Variants in NCKAP5 observed in about 807,000 individuals in gnomAD.
NCKAP5 encodes nck-associated protein 5.
NCKAP5 carries 92 observed loss-of-function variants against 167.0 expected under a neutral mutation model. The ratio of observed to expected loss-of-function variants is 0.55; its 90% CI spans 0.47 to 0.66. The LOEUF is 0.66. Among genes scored for constraint, NCKAP5 ranks in the 30% least tolerant of loss-of-function variants. The pLI is 0.00. For missense variants in NCKAP5, 2,378 were observed against 2,315.0 expected (o/e 1.03, Z -0.56); for synonymous variants, 891 against 877.4 (o/e 1.02, Z -0.27).
chr2:133,328,596 T>C (rs1682617422), intron 3 of NCKAP5, among the ~76,000 whole-genome samples: 1 of 152,154 alleles, frequency 6.6e-6, no homozygotes, highest in South Asian at 2.1e-4. Context: ...GTTAAATATG[T>C]AAGAGCACTG....
intron 8 of NCKAP5, among the ~76,000 whole-genome samples, chr2:132,949,003 T>TTAAAAGAAAAGAAAA (rs1553487801): frequency 0.039 from 5,030 of 130,298 alleles, 371 homozygotes; most frequent in East Asian, 0.14. Context: ...TCCAGAGAAA[T>TTAAAAGAAAAGAAAA]GAAAAGAAAA....
chr2:133,087,316 C>T (rs996145502), intron 6 of NCKAP5, among the ~76,000 whole-genome samples: 11 of 152,114 alleles, frequency 7.2e-5, no homozygotes, highest in African/African-American at 9.7e-5. Context: ...GACAAAGTAA[C>T]GCAAAGACCA....
the NCKAP5 span, among the ~76,000 whole-genome samples, chr2:133,633,512 A>G: frequency 6.6e-6 from 1 of 152,200 alleles, no homozygotes; most frequent in Non-Finnish European, 1.5e-5. Flanking sequence ...GAGGACATGC[A>G]GCATCCTGAA....
chr2:133,083,457 T>G (rs2080880125), intron 6 of NCKAP5, among the ~76,000 whole-genome samples: 1 of 152,162 alleles, frequency 6.6e-6, no homozygotes, highest in Non-Finnish European at 1.5e-5. Context: ...ACACAAGACT[T>G]AACAGTTGGC....
chr2:133,189,474 AC>A (rs1426646853), intron 5 of NCKAP5, among the ~76,000 whole-genome samples: 1 of 152,174 alleles, frequency 6.6e-6, no homozygotes, highest in Non-Finnish European at 1.5e-5. Flanking sequence ...TGGCAGAGAC[AC>A]AACAAAAAAA....
intron 4 of NCKAP5, among the ~76,000 whole-genome samples, chr2:133,289,818 A>G (rs1010561754): frequency 3.3e-5 from 5 of 152,200 alleles, no homozygotes; most frequent in Non-Finnish European, 5.9e-5. Flanking sequence ...TATAGGAAGC[A>G]TGGGTGGGGA....
chr2:133,076,127 T>C (rs2080592546), intron 6 of NCKAP5, among the ~76,000 whole-genome samples: 1 of 152,250 alleles, frequency 6.6e-6, no homozygotes, highest in Admixed American at 6.5e-5. Flanking sequence ...TTTATTAATA[T>C]AGAACCATAC....
At chr2:133,299,141 T>C (rs1680173925) in intron 4 of NCKAP5, among the ~76,000 whole-genome samples, 2 of 152,190 alleles carry the variant, frequency 1.3e-5, no homozygotes, top group South Asian at 2.1e-4. Flanking sequence ...AGTTTTTCTA[T>C]GTATAGAAAT....
intron 8 of NCKAP5, among the ~76,000 whole-genome samples, chr2:132,950,145 C>A (rs1011347565): frequency 6.6e-6 from 1 of 152,122 alleles, no homozygotes; most frequent in Non-Finnish European, 1.5e-5. Flanking sequence ...CTGTTCACTA[C>A]ACCTTTACTC....
intron 7 of NCKAP5, among the ~76,000 whole-genome samples, chr2:132,981,452 T>A (rs547502543): frequency 2.0e-5 from 3 of 152,330 alleles, no homozygotes; most frequent in Non-Finnish European, 4.4e-5. Context: ...TCCTTTTGCA[T>A]GCATGTGGCA....
intron 7 of NCKAP5, 117 bp downstream of exon 7, chr2:132,994,035 G>C: frequency 1.6e-6 from 1 of 623,532 alleles, no homozygotes; most frequent in South Asian, 2.6e-5. Flanking sequence ...GTGGCTTTTA[G>C]CACTGGGGTC....
intron 2 of NCKAP5, among the ~76,000 whole-genome samples, chr2:133,518,372 T>TTTTTTTG (rs1261336479): frequency 7.7e-6 from 1 of 129,214 alleles, no homozygotes; most frequent in African/African-American, 3.3e-5. Context: ...TTTTTTTTTT[T>TTTTTTTG]GGGATGGAAT....
intron 4 of NCKAP5, among the ~76,000 whole-genome samples, chr2:133,261,590 A>G (rs1173753928): frequency 6.6e-6 from 1 of 152,200 alleles, no homozygotes; most frequent in Non-Finnish European, 1.5e-5. Context: ...GCTGAGAATA[A>G]GACTGTGTTC....
chr2:133,167,650 C>A (rs1450025779), intron 5 of NCKAP5, among the ~76,000 whole-genome samples: 1 of 152,090 alleles, frequency 6.6e-6, no homozygotes, highest in Non-Finnish European at 1.5e-5. Context: ...ACCATGATAC[C>A]CTGGATCAAA....
At chr2:132,932,390 A>G (rs1442519893) in intron 8 of NCKAP5, among the ~76,000 whole-genome samples, 4 of 152,136 alleles carry the variant, frequency 2.6e-5, no homozygotes, top group African/African-American at 9.7e-5. Context: ...TAATTGTTAA[A>G]AAGCCAAGAG....
the NCKAP5 span, among the ~76,000 whole-genome samples, chr2:133,673,351 T>C: frequency 6.6e-6 from 1 of 152,156 alleles, no homozygotes; most frequent in East Asian, 1.9e-4. Flanking sequence ...ACCACATATA[T>C]AACCTTGTTT....
At chr2:133,323,188 T>C (rs1485728728) in intron 3 of NCKAP5, among the ~76,000 whole-genome samples, 1 of 152,208 alleles carries the variant, frequency 6.6e-6, no homozygotes, top group Non-Finnish European at 1.5e-5. Flanking sequence ...ATTGATATCA[T>C]TTATGGATAT....
At chr2:133,078,971 G>A (rs926195525) in intron 6 of NCKAP5, among the ~76,000 whole-genome samples, 2 of 152,104 alleles carry the variant, frequency 1.3e-5, no homozygotes, top group African/African-American at 2.4e-5. Context: ...ATAATCTGGA[G>A]GAACGAGGCT....
chr2:133,235,934 G>A (rs2087391871), intron 4 of NCKAP5, among the ~76,000 whole-genome samples: 1 of 151,092 alleles, frequency 6.6e-6, no homozygotes, highest in South Asian at 2.1e-4. Flanking sequence ...AAAAAATGGT[G>A]GCTTGTGCCT....
Sources: allele counts gnomAD v4.1 joint callset (sites outside exome capture counted in the v4.1 genomes callset), GRCh38; gene constraint gnomAD v4.1.1; transcripts MANE v1.5; gene names NCBI Gene and HGNC (gene_info 2026-07-23, HGNC 2026-07-21).